Variants in ST8SIA1 observed in about 807,000 individuals in gnomAD.
The protein encoded by ST8SIA1 is ST8 alpha-N-acetyl-neuraminide alpha-2,8-sialyltransferase 1, also known as alpha-N-acetylneuraminide alpha-2,8-sialyltransferase.
ST8SIA1 carries 16 observed loss-of-function variants against 35.9 expected under a neutral mutation model. The ratio of observed to expected loss-of-function variants is 0.45; its 90% CI spans 0.30 to 0.68. The LOEUF (loss-of-function observed/expected upper bound fraction) is 0.68, where lower values mean the gene tolerates loss of function less well. Ranked by LOEUF, ST8SIA1 falls within the 30% of genes least tolerant of loss-of-function variation. The probability of loss-of-function intolerance (pLI) is 0.09; values close to 1 mark genes in which losing one functional copy is unlikely to be tolerated. For missense variants in ST8SIA1, 383 were observed against 453.6 expected (o/e 0.84, Z 1.41); for synonymous variants, 170 against 169.6 (o/e 1.00, Z -0.02).
intron 2 of ST8SIA1, among the ~76,000 whole-genome samples, chr12:22,258,049 A>G (rs552543758): frequency 2.0e-4 from 31 of 151,884 alleles, no homozygotes; most frequent in African/African-American, 7.2e-4. Flanking sequence ...CCCTATCACC[A>G]TCACTGGGGT....
Position 22,201,455 on chromosome 12 carries a change from A to C in ST8SIA1, c.*97T>G. 1 of 1,475,970 alleles carries C rather than the reference A, an allele frequency of 6.8e-7. No homozygotes were observed. The highest frequency in any genetic ancestry group is 9.0e-7 in the Non-Finnish European group (1 of 1,105,414). 91.4% of individuals were successfully genotyped at this position (1,475,970 alleles called of 1,614,324 possible). ...TCCTTTCCTGTTTTTCCAAGGGCCC[A>C]TGCAAACTCATGAAACAACTTGACC... is the stretch of plus-strand genomic sequence containing the variant. On this transcript the variant is annotated 3_prime_UTR_variant, in exon 5 of 5. Transcript: ENST00000396037.
At chr12:22,305,861 A>G (rs1164522578) in intron 1 of ST8SIA1, among the ~76,000 whole-genome samples, 1 of 152,240 alleles carries the variant, frequency 6.6e-6, no homozygotes, top group African/African-American at 2.4e-5. Flanking sequence ...TAATGAAAAT[A>G]GCTACATCTT....
At chr12:22,204,170 C>A (rs1193259885) in intron 4 of ST8SIA1, among the ~76,000 whole-genome samples, 1 of 130,620 alleles carries the variant, frequency 7.7e-6, no homozygotes, top group African/African-American at 2.7e-5. Flanking sequence ...CAAAGTGGAT[C>A]TCTCCTCTTC....
intron 2 of ST8SIA1, among the ~76,000 whole-genome samples, chr12:22,259,624 C>G (rs1295598591): frequency 6.6e-6 from 1 of 152,040 alleles, no homozygotes; most frequent in African/African-American, 2.4e-5. Context: ...CGCTACCATG[C>G]CCGGCTAATT....
intron 4 of ST8SIA1, among the ~76,000 whole-genome samples, chr12:22,216,155 C>T (rs1270795718): frequency 6.6e-6 from 1 of 152,156 alleles, no homozygotes; most frequent in Non-Finnish European, 1.5e-5. Context: ...AGGTTACCTT[C>T]AAGCCTCCTC....
chr12:22,240,213 A>G (rs1591832064), intron 4 of ST8SIA1, among the ~76,000 whole-genome samples: 1 of 152,262 alleles, frequency 6.6e-6, no homozygotes, highest in Admixed American at 6.5e-5. Flanking sequence ...CAATTGACAT[A>G]TGGTACATTA....
intron 2 of ST8SIA1, chr12:22,268,405 G>A (rs1865871892): frequency 6.6e-6 from 1 of 152,220 alleles, no homozygotes. Context: ...TAGAGACTGT[G>A]GCAAACAAAG....
chr12:22,238,301 C>T (rs73267995), intron 4 of ST8SIA1, among the ~76,000 whole-genome samples: 28 of 152,326 alleles, frequency 1.8e-4, no homozygotes, highest in African/African-American at 6.7e-4. Context: ...TAAAACATCA[C>T]GCAATTCCAA....
chr12:22,255,062 C>T (rs536307331), intron 3 of ST8SIA1, among the ~76,000 whole-genome samples: 11 of 152,250 alleles, frequency 7.2e-5, no homozygotes, highest in South Asian at 2.1e-4. Context: ...ATCTCTGTTC[C>T]GCCTGAGCCT....
At chr12:22,278,207 T>C (rs1865993904) in intron 2 of ST8SIA1, among the ~76,000 whole-genome samples, 1 of 152,264 alleles carries the variant, frequency 6.6e-6, no homozygotes, top group African/African-American at 2.4e-5. Context: ...ATCCTTGCTT[T>C]AAATTTAATT....
chr12:22,282,903 C>T (rs1866054053), intron 2 of ST8SIA1, among the ~76,000 whole-genome samples: 2 of 151,850 alleles, frequency 1.3e-5, no homozygotes, highest in African/African-American at 4.8e-5. Context: ...GTAGTATAGT[C>T]CAAATTTTAT....
At chr12:22,210,876 C>T (rs1389406346) in intron 4 of ST8SIA1, among the ~76,000 whole-genome samples, 1 of 152,194 alleles carries the variant, frequency 6.6e-6, no homozygotes. Context: ...CACCAAGTTT[C>T]AGCCAAAGGT....
At chr12:22,229,067 A>AAAG (rs1481143404) in intron 4 of ST8SIA1, among the ~76,000 whole-genome samples, 5 of 151,386 alleles carry the variant, frequency 3.3e-5, no homozygotes, top group Non-Finnish European at 7.4e-5. Context: ...AAAAAAAAAA[A>AAAG]AAAAAAGTAA....
At chr12:22,260,838 G>A (rs1865781530) in intron 2 of ST8SIA1, among the ~76,000 whole-genome samples, 1 of 150,176 alleles carries the variant, frequency 6.7e-6, no homozygotes, top group Non-Finnish European at 1.5e-5. Context: ...ATATTTGTGT[G>A]AGATATTTTC....
chr12:22,246,290 T>C (rs1301898226), intron 4 of ST8SIA1, among the ~76,000 whole-genome samples: 3 of 152,128 alleles, frequency 2.0e-5, no homozygotes, highest in Non-Finnish European at 2.9e-5. Context: ...GCTTGCTTGG[T>C]GTGTGGGGGA....
At chr12:22,254,185 G>C (rs775847743) in intron 3 of ST8SIA1, among the ~76,000 whole-genome samples, 12 of 152,094 alleles carry the variant, frequency 7.9e-5, no homozygotes, top group Non-Finnish European at 1.5e-4. Flanking sequence ...AGGTCCCTCA[G>C]AGTCTATCCT....
intron 1 of ST8SIA1, among the ~76,000 whole-genome samples, chr12:22,309,184 AC>A (rs2135831048): frequency 1.3e-5 from 2 of 152,264 alleles, no homozygotes; most frequent in East Asian, 3.9e-4. Flanking sequence ...CTTGGCCATG[AC>A]GAGGGATAGG....
At chr12:22,272,463 T>A (rs1865922320) in intron 2 of ST8SIA1, among the ~76,000 whole-genome samples, 1 of 152,214 alleles carries the variant, frequency 6.6e-6, no homozygotes, top group Non-Finnish European at 1.5e-5. Context: ...AAAAAATTAT[T>A]ACTGTCTCTG....
chr12:22,248,643 A>T (rs543994420), intron 4 of ST8SIA1, among the ~76,000 whole-genome samples: 2 of 152,276 alleles, frequency 1.3e-5, no homozygotes, highest in African/African-American at 4.8e-5. Flanking sequence ...CTTTGTTTTT[A>T]TTCTTGATAT....
Sources: allele counts gnomAD v4.1 joint callset (sites outside exome capture counted in the v4.1 genomes callset), GRCh38; gene constraint gnomAD v4.1.1; transcripts MANE v1.5; gene names NCBI Gene and HGNC (gene_info 2026-07-23, HGNC 2026-07-21).